TP53BP2: variants seen among roughly 807,000 people sequenced by gnomAD.
TP53BP2 encodes the protein apoptosis-stimulating of p53 protein 2.
TP53BP2 carries 62 observed loss-of-function variants against 126.2 expected under a neutral mutation model. That is an observed-to-expected ratio of 0.49 (90% CI 0.40 to 0.61). The LOEUF is 0.61. TP53BP2 is among the 20% of genes least tolerant of loss of function. The pLI is 0.00. For missense variants in TP53BP2, 1,215 were observed against 1,402.8 expected (o/e 0.87, Z 2.14); for synonymous variants, 485 against 502.9 (o/e 0.96, Z 0.48).
chr1:223,798,474 G>A lies in TP53BP2; in HGVS notation c.1689C>T (p.Pro563=). The change falls in exon 12 of 18, where the codon CCC becomes CCT. Residue 563 remains proline, a synonymous_variant. Transcript: ENST00000343537. ...GGTCTTGGCCAACCGAAGGTATGCT[G>A]GGAGATAGCAGCACTCTCGGCTGCT... ...AGQQPRVLLS[P]SIPSVGQDQT... is the part of the protein sequence containing the mutation. 2 of 1,614,152 alleles carry A rather than the reference G, an allele frequency of 1.2e-6. No homozygotes were observed. Among genetic ancestry groups the A allele is most frequent in the Non-Finnish European group, 1.7e-6 (2 of 1,180,012 alleles).
At chr1:223,831,457 T>C (rs979218621) in intron 1 of TP53BP2, among the ~76,000 whole-genome samples, 1 of 103,338 alleles carries the variant, frequency 9.7e-6, no homozygotes, top group African/African-American at 3.4e-5. Flanking sequence ...CACACACATA[T>C]GTACCATCTA....
chr1:223,796,681 CTTT>C lies in TP53BP2; in HGVS notation c.1949-94_1949-92del. On this transcript the variant is annotated intron_variant, in intron 12 of 17. Coordinates refer to ENST00000343537, the MANE Select transcript of TP53BP2 (RefSeq NM_001031685.3). This position sits in a 1 kb window ranked among gnomAD's most constrained non-coding sequence, Gnocchi z 4.2. ...AAACAGCTAACAATAACTAAAGCCT[CTTT>C]TAATTTCATAGTTGTTACTACATAA... The C allele has an allele frequency of 1.6e-6, 2 of 1,233,792 alleles. No homozygotes were observed. The highest frequency in any genetic ancestry group is 1.6e-5 in the South Asian group (1 of 63,538). 76.4% of individuals were successfully genotyped at this position (1,233,792 alleles called of 1,614,324 possible).
intron 1 of TP53BP2, among the ~76,000 whole-genome samples, chr1:223,830,845 T>C (rs191498012): frequency 1.8e-4 from 28 of 152,288 alleles, no homozygotes; most frequent in African/African-American, 6.5e-4. Flanking sequence ...ACGCCTGTAA[T>C]CCCAGAACTT....
Position 223,834,959 on chromosome 1 carries a change from G to A in TP53BP2, c.27+10695C>T, listed in dbSNP as rs1318220935. The A allele has an allele frequency of 4.3e-6, 3 of 692,484 alleles. No individual in the cohort carries two copies. In the African/African-American group the frequency reaches 5.8e-5, roughly 13 times the overall value. The allele number at this position is 692,484 out of a possible 1,614,324, so 42.9% of individuals were successfully genotyped here. ...AGTACACATGTTTTGGTTCTTAAAT[G>A]CCTCCTCCCTGGTTTTCCTCCTCCT... On this transcript the variant is annotated intron_variant, in intron 1 of 17. Coordinates refer to ENST00000343537, the MANE Select transcript of TP53BP2 (RefSeq NM_001031685.3).
rs1553262580 is a variant in TP53BP2, at chr1:223,825,054, C to CA, written c.28-3688_28-3687insT. Among the ~76,000 whole-genome samples the CA allele has an allele frequency of 2.0e-5, 3 of 151,110 alleles. No individual in the cohort carries two copies. In the East Asian group the frequency reaches 5.8e-4, roughly 29 times the overall value. On this transcript the variant is annotated intron_variant, in intron 1 of 17. Transcript: ENST00000343537. ...ACACACACACACACACACACACACACCCTAGCCCATTCTTCTGCTTTATTT... is the reference window on the plus strand; with the variant it reads ...ACACACACACACACACACACACACACACCTAGCCCATTCTTCTGCTTTATTT...
chr1:223,791,131 T>C (rs1455017157), intron 15 of TP53BP2, among the ~76,000 whole-genome samples: 1 of 152,050 alleles, frequency 6.6e-6, no homozygotes, highest in Non-Finnish European at 1.5e-5. Context: ...GAAAAGCATA[T>C]GAAAAAGAGC....
At chr1:223,794,768 C>G (rs1662261714) in intron 13 of TP53BP2, among the ~76,000 whole-genome samples, 1 of 152,138 alleles carries the variant, frequency 6.6e-6, no homozygotes, top group Non-Finnish European at 1.5e-5. Flanking sequence ...CTGTTAACCT[C>G]TATTTTAAAA....
At chr1:223,809,906 A>G (rs1662855003) in intron 4 of TP53BP2, among the ~76,000 whole-genome samples, 1 of 152,024 alleles carries the variant, frequency 6.6e-6, no homozygotes, top group Admixed American at 6.6e-5. Context: ...GGCTCACTGC[A>G]ATCTCTGCCT....
At chr1:223,798,110 A>C in intron 12 of TP53BP2, 105 bp downstream of exon 12, 1 of 1,119,164 alleles carries the variant, frequency 8.9e-7, no homozygotes, top group Non-Finnish European at 1.3e-6. Flanking sequence ...AAAAACCCTT[A>C]GCGTCAGTCA....
At chr1:223,816,794 C>T (rs937829846) in intron 2 of TP53BP2, among the ~76,000 whole-genome samples, 2 of 151,718 alleles carry the variant, frequency 1.3e-5, no homozygotes, top group Non-Finnish European at 1.5e-5. Flanking sequence ...TGATAGTAAC[C>T]TTTTTACTAC....
chr1:223,840,778 G>A (rs1436173148), intron 1 of TP53BP2, among the ~76,000 whole-genome samples: 2 of 152,194 alleles, frequency 1.3e-5, no homozygotes, highest in Non-Finnish European at 2.9e-5. Flanking sequence ...GACCCTCCAT[G>A]TGTCTTCCAG....
At chr1:223,805,868 C>G (rs1230401859) in intron 5 of TP53BP2, among the ~76,000 whole-genome samples, 1 of 152,184 alleles carries the variant, frequency 6.6e-6, no homozygotes, top group Non-Finnish European at 1.5e-5. Flanking sequence ...CTGCTTATAA[C>G]AGCAGACCTG....
intron 1 of TP53BP2, among the ~76,000 whole-genome samples, chr1:223,839,021 T>C (rs1048379171): frequency 2.0e-5 from 3 of 151,840 alleles, no homozygotes; most frequent in African/African-American, 7.3e-5. Flanking sequence ...TCTTTTTTTT[T>C]TTTTTCCATT....
chr1:223,796,318 G>A lies in TP53BP2; in HGVS notation c.2221C>T (p.Arg741Cys), dbSNP rs1403709917. ...LSNAPRPLKKRSSITEPEGPN... is the reference protein window; with the variant it reads ...LSNAPRPLKKCSSITEPEGPN... ...CCCTCTGGCTCTGTAATAGAACTAC[G>A]TTTCTTTAGAGGCCTTGGTGCGTTA... The change falls in exon 13 of 18, where the codon CGT becomes TGT. Residue 741 changes from arginine to cysteine, a missense_variant. Arg to Cys is a radical substitution (Grantham distance 180). This residue lies in a region of TP53BP2 where 46 missense variants were observed against 93.0 expected (regional missense o/e 0.49). Transcript: ENST00000343537. This position sits in a 1 kb window ranked among gnomAD's most constrained non-coding sequence, Gnocchi z 4.2. The A allele has an allele frequency of 1.9e-6, 3 of 1,614,018 alleles. No homozygotes were observed. Among genetic ancestry groups the A allele is most frequent in the East Asian group, 2.2e-5 (1 of 44,894 alleles).
chr1:223,780,743 A>G lies in TP53BP2; in HGVS notation c.*110T>C. The stretch of plus-strand genomic sequence containing the variant: ...CTAGAGACATTCTTCATCGCTTTCA[A>G]GCTACATTGTCATTAAAATAAGTCT... On this transcript the variant is annotated 3_prime_UTR_variant, in exon 18 of 18. Transcript: ENST00000343537. 1 of 1,010,468 alleles carries G rather than the reference A, an allele frequency of 9.9e-7. No individual in the cohort carries two copies. Among genetic ancestry groups the G allele is most frequent in the Non-Finnish European group, 1.5e-6 (1 of 667,580 alleles). 62.6% of individuals were successfully genotyped at this position (1,010,468 alleles called of 1,614,324 possible).
At chr1:223,839,024 T>C (rs1664017813) in intron 1 of TP53BP2, among the ~76,000 whole-genome samples, 1 of 151,888 alleles carries the variant, frequency 6.6e-6, no homozygotes, top group Admixed American at 6.6e-5. Context: ...TTTTTTTTTT[T>C]TTCCATTTTT....
chr1:223,795,670 A>G, intron 13 of TP53BP2, 145 bp downstream of exon 13: 1 of 656,788 alleles, frequency 1.5e-6, no homozygotes, highest in Non-Finnish European at 2.3e-6. Context: ...AATAAACTGC[A>G]TTATGAAAAC....
In TP53BP2 at chr1:223,811,965, G is replaced by T. The variant is rs117714398; in HGVS notation, c.290-1452C>A. Among the ~76,000 whole-genome samples, 18 of 150,350 alleles carry T rather than the reference G, an allele frequency of 1.2e-4. No homozygotes were observed. In the East Asian group the frequency reaches 3.1e-3, roughly 26 times the overall value. The stretch of plus-strand genomic sequence containing the variant: ...TCCAGTACTATACAGCAAGATATTT[G>T]AACAGGTAGATGAATGGGTAAAATT... On this transcript the variant is annotated intron_variant, in intron 3 of 17. Transcript: ENST00000343537.
chr1:223,817,491 A>G (rs1663130214), intron 2 of TP53BP2, among the ~76,000 whole-genome samples: 1 of 152,182 alleles, frequency 6.6e-6, no homozygotes, highest in South Asian at 2.1e-4. Flanking sequence ...CACCCCCTAG[A>G]GAAATGCTTG....
Sources: allele counts gnomAD v4.1 joint callset (sites outside exome capture counted in the v4.1 genomes callset), GRCh38; gene constraint gnomAD v4.1.1; regional missense constraint gnomAD v4.1.1; non-coding constraint Gnocchi (gnomAD v3.1); transcripts MANE v1.5; gene names NCBI Gene and HGNC (gene_info 2026-07-23, HGNC 2026-07-21).